Variants in ATP6V1E2 observed in about 807,000 individuals in gnomAD.
The protein encoded by ATP6V1E2 is V-type proton ATPase subunit E 2.
For missense variants in ATP6V1E2, 308 were observed against 273.3 expected, an observed-to-expected ratio of 1.13 and a Z score of -0.90; for synonymous variants, 121 against 104.2, an observed-to-expected ratio of 1.16 and a Z score of -0.98.
chr2:46,511,962 T>C lies in ATP6V1E2; in HGVS notation c.*69A>G. 7.1e-7 allele frequency: 1 copy of C among 1,406,148 alleles called. No homozygotes were observed. Among genetic ancestry groups the C allele is most frequent in the Non-Finnish European group, 9.6e-7 (1 of 1,040,000 alleles). 87.1% of individuals were successfully genotyped at this position (1,406,148 alleles called of 1,614,324 possible). ...ATCAAAGAGGAGGAAACACTACTAGTTTCCTTTCCCCAAAAAACTTAAACT... is the reference window on the plus strand; with the variant it reads ...ATCAAAGAGGAGGAAACACTACTAGCTTCCTTTCCCCAAAAAACTTAAACT... On this transcript the variant is annotated 3_prime_UTR_variant, in exon 5 of 5. Transcript: ENST00000522587.
intron 4 of ATP6V1E2, among the ~76,000 whole-genome samples, chr2:46,522,091 C>G (rs1304229533): frequency 6.6e-6 from 1 of 151,848 alleles, no homozygotes; most frequent in East Asian, 1.9e-4. Flanking sequence ...CCCAGGAGTT[C>G]ACAGTGGGCA....
chr2:46,515,614 A>G (rs1361094898), intron 4 of ATP6V1E2, among the ~76,000 whole-genome samples: 3 of 152,198 alleles, frequency 2.0e-5, no homozygotes, highest in Admixed American at 6.5e-5. Context: ...AGAGACAAAA[A>G]GCCGTGAGAC....
At chr2:46,516,759 G>C (rs1687729101) in intron 4 of ATP6V1E2, among the ~76,000 whole-genome samples, 1 of 150,712 alleles carries the variant, frequency 6.6e-6, no homozygotes, top group African/African-American at 2.4e-5. Context: ...AAACTCTCAA[G>C]TTACCTAACT....
intron 4 of ATP6V1E2, among the ~76,000 whole-genome samples, chr2:46,516,718 T>C (rs1212607729): frequency 1.4e-5 from 2 of 145,552 alleles, no homozygotes; most frequent in East Asian, 2.0e-4. Flanking sequence ...AAGAGGAAAA[T>C]TTATAGTAGT....
At chr2:46,526,973 G>A (rs533515364) in intron 4 of ATP6V1E2, among the ~76,000 whole-genome samples, 49 of 152,274 alleles carry the variant, frequency 3.2e-4, no homozygotes, top group African/African-American at 1.0e-3. Context: ...CCCGGCAGCC[G>A]CACTATTTTA....
chr2:46,512,154 G>A lies in ATP6V1E2; in HGVS notation c.558C>T (p.Gly186=), dbSNP rs1316768179. ...TATTTGAAACCTTTATTCTCTGATTGCCACTGTAGACCTCCACACCTCCAG... is the reference window on the plus strand; with the variant it reads ...TATTTGAAACCTTTATTCTCTGATTACCACTGTAGACCTCCACACCTCCAG... ...NAAGGVEVYS[G]NQRIKVSNTL... Residue 186 remains glycine (G), a synonymous_variant, in exon 5 of 5, where the codon GGC becomes GGT. Coordinates refer to ENST00000522587, the MANE Select transcript of ATP6V1E2 (RefSeq NM_001318063.2). 3.7e-6 allele frequency: 6 copies of A among 1,614,152 alleles called. No homozygotes were observed. The highest frequency in any genetic ancestry group is 1.1e-5 in the South Asian group (1 of 91,072).
chr2:46,541,550 C>A (rs1411967322), intron 1 of ATP6V1E2, 97 bp from the exon 2 acceptor site: 2 of 152,228 alleles, frequency 1.3e-5, no homozygotes, highest in South Asian at 2.1e-4. Flanking sequence ...TTGGGACAAC[C>A]GCTTCACCTT....
At chr2:46,524,211 C>T (rs1246437249) in intron 4 of ATP6V1E2, among the ~76,000 whole-genome samples, 12 of 152,118 alleles carry the variant, frequency 7.9e-5, no homozygotes, top group Admixed American at 7.9e-4. Flanking sequence ...TATTTGAATA[C>T]ACTTTATAAT....
Position 46,512,706 on chromosome 2 carries a change from G to T in ATP6V1E2, c.6C>A (p.Ala2=), listed in dbSNP as rs763889531. The T allele has an allele frequency of 1.2e-6, 2 of 1,609,592 alleles. No individual in the cohort carries two copies. Among genetic ancestry groups the T allele is most frequent in the East Asian group, 4.5e-5 (2 of 44,862 alleles). The change falls in exon 5 of 5, where the codon GCC becomes GCA. Residue 2 remains alanine (A), a synonymous_variant. Transcript: ENST00000522587. The part of the protein sequence containing the change: M[A]LSDVDVKKQI... ...GCTTTTTCACATCGACATCACTCAG[G>T]GCCATGGCTGCTCTCAGAGGGGACG...
chr2:46,542,184 A>C (rs373813165), intron 1 of ATP6V1E2, 33 bp downstream of exon 1: 2 of 143,126 alleles, frequency 1.4e-5, no homozygotes, highest in South Asian at 4.6e-4. Flanking sequence ...CCACCACCCC[A>C]CGCGCCTTAA....
At chr2:46,517,239 T>C (rs1687752869) in intron 4 of ATP6V1E2, among the ~76,000 whole-genome samples, 1 of 152,172 alleles carries the variant, frequency 6.6e-6, no homozygotes, top group African/African-American at 2.4e-5. Context: ...GGGGGAAAGA[T>C]AGCCTCTTCA....
chr2:46,524,099 G>A lies in ATP6V1E2; in HGVS notation c.-101-11287C>T, dbSNP rs1208690780. ...TGATTTTGTATCCTGAGATTTTGCT[G>A]AAGTTGCTTATCAATTCGACAAGTT... On this transcript the variant is annotated intron_variant, in intron 4 of 4. Coordinates refer to ENST00000522587, the MANE Select transcript of ATP6V1E2 (RefSeq NM_001318063.2). Among the ~76,000 whole-genome samples, 2 of 151,080 alleles carry A rather than the reference G, an allele frequency of 1.3e-5. 1 individual carries two copies. Among genetic ancestry groups the A allele is most frequent in the Non-Finnish European group, 2.9e-5 (2 of 68,030 alleles).
intron 4 of ATP6V1E2, chr2:46,519,771 G>A (rs1333780799): frequency 6.6e-6 from 1 of 152,180 alleles, no homozygotes; most frequent in Non-Finnish European, 1.5e-5. Flanking sequence ...TTATCATCAT[G>A]ACCACTACTA....
intron 4 of ATP6V1E2, among the ~76,000 whole-genome samples, chr2:46,527,124 AG>A: frequency 6.6e-6 from 1 of 152,112 alleles, no homozygotes; most frequent in East Asian, 1.9e-4. Context: ...GCATGATCAT[AG>A]CTCACTGCAG....
intron 4 of ATP6V1E2, among the ~76,000 whole-genome samples, chr2:46,529,580 C>T (rs1218159679): frequency 1.3e-5 from 2 of 152,126 alleles, no homozygotes; most frequent in Non-Finnish European, 2.9e-5. Context: ...CATAGCAAGA[C>T]CCCATCTCTA....
At chr2:46,527,270 G>A (rs759515001) in intron 4 of ATP6V1E2, among the ~76,000 whole-genome samples, 14 of 152,144 alleles carry the variant, frequency 9.2e-5, no homozygotes, top group Non-Finnish European at 1.5e-4. Flanking sequence ...CGCCCAGGCT[G>A]GAGTGCAGTG....
chr2:46,538,980 C>CA (rs998758889), intron 2 of ATP6V1E2, among the ~76,000 whole-genome samples: 7 of 151,022 alleles, frequency 4.6e-5, no homozygotes, highest in Admixed American at 6.6e-5. Context: ...AAAACACACA[C>CA]AAAAAAAAAT....
rs566327205 is a variant in ATP6V1E2, at chr2:46,532,525, A to T, written c.-102+3288T>A. Among the ~76,000 whole-genome samples the T allele has an allele frequency of 9.2e-5, 14 of 152,290 alleles. No individual in the cohort carries two copies. The South Asian group carries it at 2.9e-3, about 32-fold the overall frequency. On this transcript the variant is annotated intron_variant, in intron 4 of 4. Transcript: ENST00000522587. The stretch of plus-strand genomic sequence containing the variant: ...GTGTCCTTCCAAAATTTATGTTGGA[A>T]CTTAAACCCCAAGGTGATAGTATTA...
chr2:46,513,580 C>G (rs1687576821), intron 4 of ATP6V1E2, among the ~76,000 whole-genome samples: 2 of 152,164 alleles, frequency 1.3e-5, no homozygotes, highest in African/African-American at 4.8e-5. Flanking sequence ...AATCCCAGCA[C>G]TTTGGGAGGT....
Sources: gnomAD v4.1 joint callset for allele counts (sites outside exome capture counted in the v4.1 genomes callset) on GRCh38, gnomAD v4.1.1 for gene constraint, MANE v1.5 for transcripts, NCBI Gene and HGNC (gene_info 2026-07-23, HGNC 2026-07-21) for gene names.